Variants in FLG observed in about 807,000 individuals in gnomAD.
The protein encoded by FLG is filaggrin.
In FLG, 6 loss-of-function variants were observed where a neutral mutation model predicts 3.8. The ratio of observed to expected loss-of-function variants is 1.60; its 90% CI spans 0.87 to 3.15. FLG has a LOEUF of 3.15. Ranked by LOEUF, FLG falls within the 30% of genes most tolerant of loss-of-function variation. The pLI, the probability that FLG is intolerant of heterozygous loss-of-function variation, is 0.00. For missense variants in FLG, 7,595 were observed against 5,050.9 expected (o/e 1.50, Z -15.27); for synonymous variants, 2,551 against 1,931.6 (o/e 1.32, Z -8.41).
Position 152,309,184 on chromosome 1 carries a change from C to T in FLG, c.5702G>A (p.Gly1901Asp), listed in dbSNP as rs759572372. 3 of 1,613,688 alleles carry T rather than the reference C, an allele frequency of 1.9e-6. No individual in the cohort carries two copies. The highest frequency in any genetic ancestry group is 2.5e-6 in the Non-Finnish European group (3 of 1,179,916). ...CCTGGGCCCTGATGATTGTCCCTGG[C>T]CCACCTGCGAGTGTCTAGAGCTGTC... ...RADSSRHSQV[G>D]QGQSSGPRTS... The change falls in exon 3 of 3, where the codon GGC (glycine) becomes GAC (aspartate). Residue 1901 changes from glycine (G) to aspartate (D), a missense_variant. By Grantham distance (94) the Gly-to-Asp change is moderately conservative. Transcript: ENST00000368799.
chr1:152,307,724 G>C lies in FLG; in HGVS notation c.7162C>G (p.Gln2388Glu). 1 of 1,613,460 alleles carries C rather than the reference G, an allele frequency of 6.2e-7. No individual in the cohort carries two copies. Among genetic ancestry groups the C allele is most frequent in the Middle Eastern group, 1.7e-4 (1 of 6,058 alleles). ...SDTQSVSAHG[Q>E]AGPHQQSHQE... is the part of the protein sequence containing the mutation. Reference sequence around the variant, plus strand: ...TGGCTCTGCTGATGGGGCCCAGCCTGTCCGTGGGCTGACACTGACTGTGTG... The same window carrying C: ...TGGCTCTGCTGATGGGGCCCAGCCTCTCCGTGGGCTGACACTGACTGTGTG... Residue 2388 changes from glutamine (Q) to glutamate (E), a missense_variant, in exon 3 of 3, where the codon CAG (glutamine) becomes GAG (glutamate). By Grantham distance (29) the Gln-to-Glu change is conservative. Transcript: ENST00000368799.
In FLG at chr1:152,303,964, C is replaced by A. The variant is rs373213481; in HGVS notation, c.10922G>T (p.Gly3641Val). 10 of 1,613,696 alleles carry A rather than the reference C, an allele frequency of 6.2e-6. No individual in the cohort carries two copies. Among genetic ancestry groups the A allele is most frequent in the Admixed American group, 1.7e-5 (1 of 59,974 alleles). Residue 3641 changes from glycine (G) to valine (V), a missense_variant, in exon 3 of 3, where the codon GGC (glycine) becomes GTC (valine). By Grantham distance (109) the Gly-to-Val change is moderately radical. Coordinates refer to ENST00000368799, the MANE Select transcript of FLG (RefSeq NM_002016.2). ...QQSADSSRHS[G>V]IGHGQASSAV... ...AGATGAAGCTTGTCCGTGCCCAATG[C>A]CTGAGTGTCTGGAGCTGTCTGCTGA...
chr1:152,324,570 C>T (rs1653085690), intron 1 of FLG, among the ~76,000 whole-genome samples: 1 of 151,938 alleles, frequency 6.6e-6, no homozygotes. Context: ...TCCCTCCCAT[C>T]ACTTTACTAC....
rs1652625223 is a variant in FLG at position 152,313,691 on chromosome 1, C to G, written c.1195G>C (p.Ala399Pro). 1.2e-6 allele frequency: 2 copies of G among 1,614,160 alleles called. 1 individual carries two copies. The highest frequency in any genetic ancestry group is 3.3e-4 in the Middle Eastern group (2 of 6,062). The part of the protein sequence containing the change: ...QQSADSSRHS[A>P]TGRGQASSAV... ...GATGAAGCTTGCCCGCGCCCAGTGG[C>G]TGAGTGTCTGGAGCTGTCTGCTGAC... The change falls in exon 3 of 3, where the codon GCC (alanine) becomes CCC (proline). Residue 399 changes from alanine (A) to proline (P), a missense_variant. Coordinates refer to ENST00000368799, the MANE Select transcript of FLG (RefSeq NM_002016.2).
Position 152,312,944 on chromosome 1 carries a change from A to T in FLG, c.1942T>A (p.Ser648Thr). Residue 648 changes from serine to threonine, a missense_variant, in exon 3 of 3, where the codon TCT (serine) becomes ACT (threonine). Physicochemically the swap from Ser to Thr is moderately conservative, Grantham distance 58. Coordinates refer to ENST00000368799, the MANE Select transcript of FLG (RefSeq NM_002016.2). The part of the protein sequence containing the change: ...SGSASRNHHG[S>T]AQEQSRDGSR... ...CCATCTCTTGACTGCTCCTGAGCAGATCCATGATGGTTTCTGGAAGCAGAC... is the reference window on the plus strand; with the variant it reads ...CCATCTCTTGACTGCTCCTGAGCAGTTCCATGATGGTTTCTGGAAGCAGAC... The T allele has an allele frequency of 6.2e-7, 1 of 1,613,910 alleles. No individual in the cohort carries two copies. Among genetic ancestry groups the T allele is most frequent in the Non-Finnish European group, 8.5e-7 (1 of 1,180,002 alleles).
At position 152,305,210 on chromosome 1, in the gene FLG, C is replaced by A; in HGVS notation, c.9676G>T (p.Glu3226Ter). ...SQDSDSEGHS[E>*]DSERWSGSAS... ...GACCCAGACCACCTCTCAGAGTCTT[C>A]TGAATGTCCCTCACTGTCACTGTCC... The change falls in exon 3 of 3, where the codon GAA becomes TAA. Residue 3226 changes from glutamate (E) to a stop codon, truncating the protein, a stop_gained. Transcript: ENST00000368799. LOFTEE classifies it low-confidence loss of function (END_TRUNC). 1 of 1,613,508 alleles carries A rather than the reference C, an allele frequency of 6.2e-7. No individual in the cohort carries two copies. Among genetic ancestry groups the A allele is most frequent in the Non-Finnish European group, 8.5e-7 (1 of 1,179,912 alleles).
At chr1:152,315,514 TC>T in intron 1 of FLG, 37 bp from the exon 2 acceptor site, 1 of 1,473,758 alleles carries the variant, frequency 6.8e-7, no homozygotes, top group East Asian at 2.3e-5. Context: ...TTTTTATACA[TC>T]TTTTTTTCTA....
intron 2 of FLG, chr1:152,315,021 T>G: frequency 4.7e-6 from 2 of 429,012 alleles, no homozygotes; most frequent in Non-Finnish European, 8.1e-6. Context: ...TTAGTTGTCT[T>G]TAACAAAAAT....
Position 152,308,198 on chromosome 1 carries a change from A to T in FLG, c.6688T>A (p.Ser2230Thr). The change falls in exon 3 of 3, where the codon TCA (serine) becomes ACA (threonine). Residue 2230 changes from serine to threonine, a missense_variant. By Grantham distance (58) the Ser-to-Thr change is moderately conservative. Coordinates refer to ENST00000368799, the MANE Select transcript of FLG (RefSeq NM_002016.2). ...SRHSLVGQGQ[S>T]SGPRTSRPRG... ...GGCCTGCTTGTCCTGGGCCCTGATG[A>T]TTGTCCCTGGCCCACCAGTGAGTGT... 2 of 1,613,670 alleles carry T rather than the reference A, an allele frequency of 1.2e-6. No homozygotes were observed. Among genetic ancestry groups the T allele is most frequent in the Admixed American group, 1.7e-5 (1 of 59,978 alleles).
chr1:152,309,319 C>T lies in FLG; in HGVS notation c.5567G>A (p.Arg1856His), dbSNP rs111360507. 4.5e-4 allele frequency: 721 copies of T among 1,613,768 alleles called. 8 individuals carry two copies. The African/African-American group carries it at 5.7e-3, about 13-fold the overall frequency. ...TTSQERSDVS[R>H]GQSGSRSVSR... ...GACACTTCTGGATCCTGACTGCCCA[C>T]GGGAGACATCAGACCTTTCCTGGGA... is the stretch of plus-strand genomic sequence containing the variant. The change falls in exon 3 of 3, where the codon CGT (arginine) becomes CAT (histidine). Residue 1856 changes from arginine to histidine, a missense_variant. By Grantham distance (29) the Arg-to-His change is conservative. Transcript: ENST00000368799.
At position 152,313,273 on chromosome 1, in the gene FLG, C is replaced by G. The variant is rs762079761; in HGVS notation, c.1613G>C (p.Arg538Thr). 9.9e-6 allele frequency: 16 copies of G among 1,613,728 alleles called. No individual in the cohort carries two copies. In the South Asian group the frequency reaches 1.5e-4, roughly 16 times the overall value. The change falls in exon 3 of 3, where the codon AGG becomes ACG. Residue 538 changes from arginine to threonine, a missense_variant. Transcript: ENST00000368799. The stretch of plus-strand genomic sequence containing the variant: ...GTGATGGGAACCTGAGTGTCCAGAC[C>G]TATTTACCGATTGCTCGTGGTGGGA... ...QGSHHEQSVN[R>T]SGHSGSHHSH...
chr1:152,305,681 G>A lies in FLG; in HGVS notation c.9205C>T (p.His3069Tyr), dbSNP rs1353368964. 6.5e-6 allele frequency: 9 copies of A among 1,379,666 alleles called. No homozygotes were observed. Among genetic ancestry groups the A allele is most frequent in the East Asian group, 2.7e-5 (1 of 37,402 alleles). The allele number at this position is 1,379,666 out of a possible 1,614,324, so 85.5% of individuals were successfully genotyped here. The change falls in exon 3 of 3, where the codon CAT (histidine) becomes TAT (tyrosine). Residue 3069 changes from histidine (H) to tyrosine (Y), a missense_variant. Physicochemically the swap from His to Tyr is moderately conservative, Grantham distance 83. Transcript: ENST00000368799. ...SGSFLYQVST[H>Y]EQSESSHGWT... ...CCATGGGAGGACTCAGACTGTTCAT[G>A]AGTGCTCACCTGGTAGAGGAAAGAT...
rs143280202 is a variant in FLG at position 152,306,226 on chromosome 1, T to G, written c.8660A>C (p.Gln2887Pro). 6.3e-4 allele frequency: 1,011 copies of G among 1,604,660 alleles called. 23 individuals are homozygous for G. The East Asian group carries it at 0.012, about 20-fold the overall frequency. The change falls in exon 3 of 3, where the codon CAG becomes CCG. Residue 2887 changes from glutamine to proline, a missense_variant. Coordinates refer to ENST00000368799, the MANE Select transcript of FLG (RefSeq NM_002016.2). The stretch of plus-strand genomic sequence containing the variant: ...ACTGTCCTGGCTCACACTGGATCCC[T>G]GGCGCCTGCTTCTCCTGGACCCCTC... ...QSEGSRRSRR[Q>P]GSSVSQDSDS... is the part of the protein sequence containing the mutation.
rs1412105421 is a variant in FLG at position 152,309,895 on chromosome 1, C to A, written c.4991G>T (p.Gly1664Val). ...GTRHAETSSG[G>V]QAASSQEQAR... is the part of the protein sequence containing the mutation. ...CTGTTCCTGGGATGATGCAGCCTGTCCACCAGAGGAAGTCTCTGCATGACG... is the reference window on the plus strand; with the variant it reads ...CTGTTCCTGGGATGATGCAGCCTGTACACCAGAGGAAGTCTCTGCATGACG... The change falls in exon 3 of 3, where the codon GGA becomes GTA. Residue 1664 changes from glycine (G) to valine (V), a missense_variant. Gly to Val is a moderately radical substitution (Grantham distance 109, BLOSUM62 -3). Coordinates refer to ENST00000368799, the MANE Select transcript of FLG (RefSeq NM_002016.2). 6.2e-7 allele frequency: 1 copy of A among 1,614,084 alleles called. No homozygotes were observed. The highest frequency in any genetic ancestry group is 1.3e-5 in the African/African-American group (1 of 74,996).
chr1:152,304,353 A>G lies in FLG; in HGVS notation c.10533T>C (p.Thr3511=), dbSNP rs146046754. The part of the protein sequence containing the change: ...HSWSHHHEAS[T]QADSSRHSQS... The stretch of plus-strand genomic sequence containing the variant: ...GTGAGTGTCTAGAGCTGTCCGCCTG[A>G]GTGGAAGCTTCATGGTGATGCGACC... Residue 3511 remains threonine, a synonymous_variant, in exon 3 of 3, where the codon ACT becomes ACC. Transcript: ENST00000368799. The G allele has an allele frequency of 4.7e-5, 75 of 1,611,686 alleles. No homozygotes were observed. The African/African-American group carries it at 9.8e-4, about 21-fold the overall frequency.
chr1:152,312,904 C>G lies in FLG; in HGVS notation c.1982G>C (p.Arg661Thr), dbSNP rs769937127. ...ACCAGCTCTGTCTTCGTGATGGGAC[C>G]TGGGGTGTCTGGAGCCATCTCTTGA... ...EQSRDGSRHP[R>T]SHHEDRAGHG... Residue 661 changes from arginine (R) to threonine (T), a missense_variant, in exon 3 of 3, where the codon AGG (arginine) becomes ACG (threonine). Coordinates refer to ENST00000368799, the MANE Select transcript of FLG (RefSeq NM_002016.2). 17 of 1,613,928 alleles carry G rather than the reference C, an allele frequency of 1.1e-5. No homozygotes were observed. The highest frequency in any genetic ancestry group is 6.7e-5 in the Admixed American group (4 of 60,002).
rs143932553 is a variant in FLG, at chr1:152,311,793, T to G, written c.3093A>C (p.Glu1031Asp). 10 of 1,613,908 alleles carry G rather than the reference T, an allele frequency of 6.2e-6. No individual in the cohort carries two copies. Among genetic ancestry groups the G allele is most frequent in the African/African-American group, 4.0e-5 (3 of 74,882 alleles). ...ACTGCTGGTGGCGGGATCCGTGTCT[T>G]TCTCCTGGACTTGATCTTGCCTGTT... ...SHEQARSSPG[E>D]RHGSRHQQSA... is the part of the protein sequence containing the mutation. Residue 1031 changes from glutamate (E) to aspartate (D), a missense_variant, in exon 3 of 3, where the codon GAA (glutamate) becomes GAC (aspartate). By Grantham distance (45) the Glu-to-Asp change is conservative. Coordinates refer to ENST00000368799, the MANE Select transcript of FLG (RefSeq NM_002016.2).
Position 152,304,470 on chromosome 1 carries a change from C to T in FLG, c.10416G>A (p.Arg3472=), listed in dbSNP as rs1332103440. The change falls in exon 3 of 3, where the codon AGG becomes AGA. Residue 3472 remains arginine, a synonymous_variant. Transcript: ENST00000368799. ...CTGACTGCCCACGGGAGGCATCAGA[C>T]CTTCCCTGGGATGTGGTGTGGCTGT... ...SHHSHTTSQG[R]SDASRGQSGS... 1.2e-6 allele frequency: 2 copies of T among 1,612,780 alleles called. No individual in the cohort carries two copies. Among genetic ancestry groups the T allele is most frequent in the East Asian group, 2.2e-5 (1 of 44,612 alleles).
rs1386182975 is a variant in FLG, at chr1:152,314,524, T to A, written c.362A>T (p.Asn121Ile). Residue 121 changes from asparagine to isoleucine, a missense_variant, in exon 3 of 3, where the codon AAC becomes ATC. Asn to Ile is a moderately radical substitution (Grantham distance 149). Transcript: ENST00000368799. ...EDNKQEENKE[N>I]RKRPSSLERR... ...TTCCAGACTTGAGGGTCTTTTTCTG[T>A]TTTCTTTGTTTTCTTCCTGTTTATT... 6.2e-7 allele frequency: 1 copy of A among 1,613,896 alleles called. No homozygotes were observed. The highest frequency in any genetic ancestry group is 1.1e-5 in the South Asian group (1 of 91,068).
Sources: gnomAD v4.1 joint callset for allele counts (sites outside exome capture counted in the v4.1 genomes callset) on GRCh38, gnomAD v4.1.1 for gene constraint, MANE v1.5 for transcripts, NCBI Gene and HGNC (gene_info 2026-07-23, HGNC 2026-07-21) for gene names.